The following KIAA0408 variants were observed in gnomAD, a reference collection of about 807,000 sequenced individuals.
KIAA0408 encodes the protein KIAA0408, also known as uncharacterized protein KIAA0408.
Under a neutral mutation model 60.9 loss-of-function variants are expected in KIAA0408, and 51 were observed. The observed-to-expected ratio is 0.84, with a 90% CI of 0.67 to 1.06. KIAA0408 has a LOEUF of 1.06. Among genes scored for constraint, KIAA0408 ranks in the 50% least tolerant of loss-of-function variants. KIAA0408 has a pLI of 0.00. For missense variants in KIAA0408, 787 were observed against 833.9 expected, an observed-to-expected ratio of 0.94 and a Z score of 0.69; for synonymous variants, 304 against 282.4, an observed-to-expected ratio of 1.08 and a Z score of -0.77.
At chr6:127,448,845 C>T (rs376984919) in intron 4 of KIAA0408, among the ~76,000 whole-genome samples, 1 of 152,098 alleles carries the variant, frequency 6.6e-6, no homozygotes, top group African/African-American at 2.4e-5. Context: ...TACTGACCCA[C>T]GAGGAGAGAT....
rs1361833889 is a variant in KIAA0408, at chr6:127,438,954, G to A, written c.*5155C>T. 3 of 152,142 alleles carry A rather than the reference G, an allele frequency of 2.0e-5. No homozygotes were observed. Among genetic ancestry groups the A allele is most frequent in the Non-Finnish European group, 2.9e-5 (2 of 68,046 alleles). 9.4% of individuals were successfully genotyped at this position (152,142 alleles called of 1,614,324 possible). ...ATGAAGGCTTCTCTTTCATGAATGGGATTTAAGGCCCTTATAAAAGAAGCA... is the reference window on the plus strand; with the variant it reads ...ATGAAGGCTTCTCTTTCATGAATGGAATTTAAGGCCCTTATAAAAGAAGCA... On this transcript the variant is annotated 3_prime_UTR_variant, in exon 6 of 6. Transcript: ENST00000483725.
intron 4 of KIAA0408, among the ~76,000 whole-genome samples, chr6:127,449,447 C>T (rs926982207): frequency 3.9e-5 from 6 of 151,974 alleles, no homozygotes; most frequent in South Asian, 2.1e-4. Context: ...GTCAGGAGTT[C>T]GAGACCATGC....
At chr6:127,451,425 T>A (rs887430093) in intron 2 of KIAA0408, 3 of 404,356 alleles carry the variant, frequency 7.4e-6, no homozygotes, top group Non-Finnish European at 1.5e-5. Context: ...GATTGTTTGG[T>A]CCCTGCCAAA....
Position 127,447,605 on chromosome 6 carries a change from C to T in KIAA0408, c.714G>A (p.Leu238=). The change falls in exon 5 of 6, where the codon CTG becomes CTA. Residue 238 remains leucine, a synonymous_variant. Coordinates refer to ENST00000483725, the MANE Select transcript of KIAA0408 (RefSeq NM_014702.5). ...TGCTCTGGAGCACATTGGTACAGCT[C>T]AGATTCTTCCTGTTTTTCTGTTTTT... The part of the protein sequence containing the change: ...EKEKQKNRKN[L]SCTNVLQSNS... 1 of 1,613,222 alleles carries T rather than the reference C, an allele frequency of 6.2e-7. No individual in the cohort carries two copies. The highest frequency in any genetic ancestry group is 8.5e-7 in the Non-Finnish European group (1 of 1,179,730).
chr6:127,458,868 C>A (rs2114810826), intron 1 of KIAA0408, among the ~76,000 whole-genome samples: 1 of 152,204 alleles, frequency 6.6e-6, no homozygotes, highest in Non-Finnish European at 1.5e-5. Flanking sequence ...CAATGATGGG[C>A]AAAGTGCTTT....
At position 127,440,929 on chromosome 6, in the gene KIAA0408, A is replaced by C. The variant is rs989707777; in HGVS notation, c.*3180T>G. 2.6e-5 allele frequency: 4 copies of C among 152,198 alleles called. No homozygotes were observed. The highest frequency in any genetic ancestry group is 5.9e-5 in the Non-Finnish European group (4 of 68,028). The allele number at this position is 152,198 out of a possible 1,614,324, so 9.4% of individuals were successfully genotyped here. On this transcript the variant is annotated 3_prime_UTR_variant, in exon 6 of 6. Coordinates refer to ENST00000483725, the MANE Select transcript of KIAA0408 (RefSeq NM_014702.5). ...CTAGAGATATTTTGGAAGAAGCTAG[A>C]GTGAACTGTGTACATATATGAGTTT... is the stretch of plus-strand genomic sequence containing the variant.
rs1026801463 is a variant in KIAA0408 at position 127,440,239 on chromosome 6, AT to A, written c.*3869del. 5 of 151,036 alleles carry A rather than the reference AT, an allele frequency of 3.3e-5. No individual in the cohort carries two copies. Among genetic ancestry groups the A allele is most frequent in the African/African-American group, 9.7e-5 (4 of 41,062 alleles). 9.4% of individuals were successfully genotyped at this position (151,036 alleles called of 1,614,324 possible). Reference sequence around the variant, plus strand: ...TACTTGTCTGAAGAACTCATCCCCAATTTTTGCCTTTTTTGCTTTGCAAAGC... The same window carrying A: ...TACTTGTCTGAAGAACTCATCCCCAATTTTGCCTTTTTTGCTTTGCAAAGC... On this transcript the variant is annotated 3_prime_UTR_variant, in exon 6 of 6. Transcript: ENST00000483725.
At chr6:127,454,232 G>A (rs1773351757) in intron 1 of KIAA0408, 131 bp from the exon 2 acceptor site, 2 of 872,766 alleles carry the variant, frequency 2.3e-6, no homozygotes, top group Non-Finnish European at 2.9e-6. Context: ...GATGACAACA[G>A]TCTACTTAAG....
chr6:127,447,144 A>G lies in KIAA0408; in HGVS notation c.1175T>C (p.Met392Thr). The G allele has an allele frequency of 6.2e-7, 1 of 1,613,878 alleles. No individual in the cohort carries two copies. Among genetic ancestry groups the G allele is most frequent in the African/African-American group, 1.3e-5 (1 of 75,010 alleles). ...CSTPSNPKYE[M>T]VIPDHPAKSH... ...TTTAGCAGGGTGATCTGGGATCACC[A>G]TTTCATATTTTGGATTACTGGGGGT... Residue 392 changes from methionine to threonine, a missense_variant, in exon 5 of 6, where the codon ATG (methionine) becomes ACG (threonine). This residue lies in a region of KIAA0408 where 640 missense variants were observed against 681.3 expected (regional missense o/e 0.94). Transcript: ENST00000483725.
rs1773197015 is a variant in KIAA0408 at position 127,446,493 on chromosome 6, T to A, written c.1826A>T (p.Gln609Leu). Residue 609 changes from glutamine to leucine, a missense_variant, in exon 5 of 6, where the codon CAA (glutamine) becomes CTA (leucine). This residue lies in a region of KIAA0408 where 133 missense variants were observed against 119.2 expected (regional missense o/e 1.12). Coordinates refer to ENST00000483725, the MANE Select transcript of KIAA0408 (RefSeq NM_014702.5). Reference protein sequence around the residue: ...ATLSQHLEMLQMEQQFQQKTA... With the variant: ...ATLSQHLEMLLMEQQFQQKTA... ...CTTTTGCTGAAACTGTTGTTCCATTTGGAGCATTTCTAAATGCTGACTTAA... is the reference window on the plus strand; with the variant it reads ...CTTTTGCTGAAACTGTTGTTCCATTAGGAGCATTTCTAAATGCTGACTTAA... 6.2e-7 allele frequency: 1 copy of A among 1,614,052 alleles called. No homozygotes were observed. The highest frequency in any genetic ancestry group is 1.3e-5 in the African/African-American group (1 of 74,924).
chr6:127,447,043 T>C lies in KIAA0408; in HGVS notation c.1276A>G (p.Ser426Gly), dbSNP rs1251317797. ...AESSSPLRNF[S>G]CGFERTTRNE... is the part of the protein sequence containing the mutation. ...CTTGTAGTCCTTTCAAAGCCACAACTGAAATTTCTAAGTGGGCTACTGCTC... is the reference window on the plus strand; with the variant it reads ...CTTGTAGTCCTTTCAAAGCCACAACCGAAATTTCTAAGTGGGCTACTGCTC... The change falls in exon 5 of 6, where the codon AGT becomes GGT. Residue 426 changes from serine (S) to glycine (G), a missense_variant. Physicochemically the swap from Ser to Gly is moderately conservative, Grantham distance 56. Around this residue, in one of 3 missense-constraint regions of KIAA0408, gnomAD observed 640 missense variants for 681.3 expected, o/e 0.94. Coordinates refer to ENST00000483725, the MANE Select transcript of KIAA0408 (RefSeq NM_014702.5). The C allele has an allele frequency of 1.9e-6, 3 of 1,613,198 alleles. No homozygotes were observed. Among genetic ancestry groups the C allele is most frequent in the Non-Finnish European group, 2.5e-6 (3 of 1,179,762 alleles).
Position 127,444,033 on chromosome 6 carries a change from G to T in KIAA0408, c.*76C>A. 1.5e-6 allele frequency: 2 copies of T among 1,375,538 alleles called. No individual in the cohort carries two copies. Among genetic ancestry groups the T allele is most frequent in the Non-Finnish European group, 2.0e-6 (2 of 975,860 alleles). The allele number at this position is 1,375,538 out of a possible 1,614,324, so 85.2% of individuals were successfully genotyped here. A position where few individuals can be genotyped will look rare whatever the true frequency, so the allele number is the denominator to read the frequency against. On this transcript the variant is annotated 3_prime_UTR_variant, in exon 6 of 6. Transcript: ENST00000483725. The stretch of plus-strand genomic sequence containing the variant: ...TTGCTTGTCGGAAGAGAACAGGTCC[G>T]CCTGTAAACACTCAGAATGCTCTGT...
intron 2 of KIAA0408, 185 bp from the exon 3 acceptor site, chr6:127,450,537 A>C: frequency 1.1e-6 from 1 of 935,378 alleles, no homozygotes. Context: ...GTTTGATGAA[A>C]CATAAAGGCT....
At position 127,444,164 on chromosome 6, in the gene KIAA0408, C is replaced by T. The variant is rs780619315; in HGVS notation, c.2030G>A (p.Arg677Gln). 1.4e-5 allele frequency: 22 copies of T among 1,613,682 alleles called. No homozygotes were observed. Among genetic ancestry groups the T allele is most frequent in the Admixed American group, 5.0e-5 (3 of 59,938 alleles). ...SRSPSAPPAL[R>Q]RTTHNYTISL... ...AATGGTATAGTTGTGGGTAGTTCTC[C>T]GCAAGGCAGGGGGTGCAGATGGAGA... The change falls in exon 6 of 6, where the codon CGG (arginine) becomes CAG (glutamine). Residue 677 changes from arginine to glutamine, a missense_variant. By Grantham distance (43) the Arg-to-Gln change is conservative. This residue lies in a region of KIAA0408 where 133 missense variants were observed against 119.2 expected (regional missense o/e 1.12). Coordinates refer to ENST00000483725, the MANE Select transcript of KIAA0408 (RefSeq NM_014702.5).
Position 127,450,289 on chromosome 6 carries a change from G to T in KIAA0408, c.199C>A (p.Leu67Ile). ...TCTGGAATGGTCTTCTCATGGTAAA[G>T]ATCAATGATCTTAGCACTTTCATTG... is the stretch of plus-strand genomic sequence containing the variant. ...NINESAKIIDLYHEKTIPEKV... is the reference protein window; with the variant it reads ...NINESAKIIDIYHEKTIPEKV... The change falls in exon 3 of 6, where the codon CTT becomes ATT. Residue 67 changes from leucine (L) to isoleucine (I), a missense_variant. Coordinates refer to ENST00000483725, the MANE Select transcript of KIAA0408 (RefSeq NM_014702.5). 6.2e-7 allele frequency: 1 copy of T among 1,613,590 alleles called. No individual in the cohort carries two copies.
At chr6:127,458,195 C>T (rs1476473001) in intron 1 of KIAA0408, among the ~76,000 whole-genome samples, 1 of 152,126 alleles carries the variant, frequency 6.6e-6, no homozygotes, top group African/African-American at 2.4e-5. Flanking sequence ...GTACCATTTA[C>T]CTCCTAAATT....
Position 127,449,832 on chromosome 6 carries a change from T to C in KIAA0408, c.568A>G (p.Asn190Asp), listed in dbSNP as rs758660605. 28 of 1,613,944 alleles carry C rather than the reference T, an allele frequency of 1.7e-5. No homozygotes were observed. The highest frequency in any genetic ancestry group is 2.4e-5 in the Non-Finnish European group (28 of 1,179,960). ...SFQEEIRKRS[N>D]HRRMKSDSFL... ...GATGTACCAGCCTACCTTCTATGGTTAGACCGCTTTCGAATTTCCTCTTGA... is the reference window on the plus strand; with the variant it reads ...GATGTACCAGCCTACCTTCTATGGTCAGACCGCTTTCGAATTTCCTCTTGA... Residue 190 changes from asparagine to aspartate, a missense_variant, in exon 4 of 6, where the codon AAC (asparagine) becomes GAC (aspartate). By Grantham distance (23) the Asn-to-Asp change is conservative (BLOSUM62 1). Around this residue, in one of 3 missense-constraint regions of KIAA0408, gnomAD observed 640 missense variants for 681.3 expected, o/e 0.94. Coordinates refer to ENST00000483725, the MANE Select transcript of KIAA0408 (RefSeq NM_014702.5).
At position 127,450,521 on chromosome 6, in the gene KIAA0408, G is replaced by T. The variant is rs1016300743; in HGVS notation, c.136-169C>A. ...GTGCCTCTAAAATATGGATTAGCTG[G>T]AACAAGTTTGATGAAACATAAAGGC... On this transcript the variant is annotated intron_variant, in intron 2 of 5. Transcript: ENST00000483725. 3.6e-6 allele frequency: 4 copies of T among 1,122,018 alleles called. No homozygotes were observed. The East Asian group carries it at 1.1e-4, about 31-fold the overall frequency. The allele number at this position is 1,122,018 out of a possible 1,614,324, so 69.5% of individuals were successfully genotyped here. A position where few individuals can be genotyped will look rare whatever the true frequency, so the allele number is the denominator to read the frequency against.
chr6:127,453,398 T>G (rs1055588570), intron 2 of KIAA0408, among the ~76,000 whole-genome samples: 11 of 152,070 alleles, frequency 7.2e-5, no homozygotes, highest in African/African-American at 2.7e-4. Flanking sequence ...TTGATTATAC[T>G]GCATTATCTA....
Sources: gnomAD v4.1 joint callset for allele counts (sites outside exome capture counted in the v4.1 genomes callset) on GRCh38, gnomAD v4.1.1 for gene constraint, gnomAD v4.1.1 regional missense constraint, MANE v1.5 for transcripts, NCBI Gene and HGNC (gene_info 2026-07-23, HGNC 2026-07-21) for gene names.